The following KAZN variants were observed in gnomAD, a reference collection of about 807,000 sequenced individuals.
KAZN encodes the protein kazrin.
KAZN carries 40 observed loss-of-function variants against 87.4 expected under a neutral mutation model. That is an observed-to-expected ratio of 0.46 (90% CI 0.36 to 0.60). The LOEUF is 0.60. Ranked by LOEUF, KAZN falls within the 20% of genes least tolerant of loss-of-function variation. KAZN has a pLI of 0.00. For missense variants in KAZN, 898 were observed against 1,073.9 expected (o/e 0.84, Z 2.29); for synonymous variants, 466 against 458.3 (o/e 1.02, Z -0.22).
intron 2 of KAZN, among the ~76,000 whole-genome samples, chr1:14,277,311 A>G (rs1209045861): frequency 2.6e-5 from 4 of 152,338 alleles, no homozygotes; most frequent in Non-Finnish European, 4.4e-5. Flanking sequence ...GTCTCTTTTT[A>G]AAACACAGCC....
chr1:14,234,795 C>T (rs1246854254), intron 2 of KAZN, among the ~76,000 whole-genome samples: 2 of 152,190 alleles, frequency 1.3e-5, no homozygotes, highest in East Asian at 1.9e-4. Context: ...TGAAAAATTG[C>T]CTATGCAACC....
chr1:14,388,144 A>G lies in KAZN; in HGVS notation c.249+207552A>G, dbSNP rs547294075. On this transcript the variant is annotated intron_variant, in intron 2 of 16. Coordinates refer to the KAZN transcript ENST00000636203. Reference sequence around the variant, plus strand: ...ACTCCCTGATCCCTTGCGCTTCCCGAGTGAGGCAATGCCTCGCCCTGCTTC... The same window carrying G: ...ACTCCCTGATCCCTTGCGCTTCCCGGGTGAGGCAATGCCTCGCCCTGCTTC... Among the ~76,000 whole-genome samples, 418 of 152,250 alleles carry G rather than the reference A, an allele frequency of 2.7e-3. 1 individual carries two copies. The highest frequency in any genetic ancestry group is 9.1e-3 in the African/African-American group (377 of 41,502).
At chr1:15,027,541 G>A (rs1441507201) in intron 2 of KAZN, among the ~76,000 whole-genome samples, 12 of 152,146 alleles carry the variant, frequency 7.9e-5, no homozygotes, top group Admixed American at 7.9e-4. Flanking sequence ...CATTCTGATG[G>A]GTGTTTATTA....
At position 14,344,917 on chromosome 1, in the gene KAZN, C is replaced by CT. The variant is rs35120179; in HGVS notation, c.249+164340dup. 8.7e-3 allele frequency among the ~76,000 whole-genome samples: 1,239 copies of CT among 142,390 alleles called. 11 individuals carry two copies. The highest frequency in any genetic ancestry group is 0.023 in the African/African-American group (908 of 38,908). The allele number at this position is 142,390 out of a possible 152,430, so 93.4% of individuals were successfully genotyped here. On this transcript the variant is annotated intron_variant, in intron 2 of 16. Transcript: ENST00000636203. ...ACACACACCATTGCCATCCCCTCTT[C>CT]TTTTTTTTTTTTTTTCCTTGAGATG... is the stretch of plus-strand genomic sequence containing the variant.
chr1:14,334,743 A>G (rs1437840943), intron 2 of KAZN, among the ~76,000 whole-genome samples: 1 of 152,222 alleles, frequency 6.6e-6, no homozygotes, highest in African/African-American at 2.4e-5. Flanking sequence ...CAGAAGGTAG[A>G]GTTCCCTGTC....
chr1:14,528,901 C>T (rs556599043), intron 2 of KAZN, among the ~76,000 whole-genome samples: 6 of 152,240 alleles, frequency 3.9e-5, no homozygotes, highest in African/African-American at 1.2e-4. Context: ...CTCTCGCAGC[C>T]TCATTCCACG....
chr1:14,486,014 C>A (rs532656276), intron 2 of KAZN, among the ~76,000 whole-genome samples: 1 of 152,184 alleles, frequency 6.6e-6, no homozygotes, highest in South Asian at 2.1e-4. Context: ...CACCACCAGA[C>A]CTATAGCACT....
At chr1:14,428,585 A>C (rs1665872871) in intron 2 of KAZN, among the ~76,000 whole-genome samples, 1 of 152,170 alleles carries the variant, frequency 6.6e-6, no homozygotes, top group South Asian at 2.1e-4. Flanking sequence ...GAAATACCTA[A>C]GACTGAGTAA....
intron 2 of KAZN, among the ~76,000 whole-genome samples, chr1:14,968,012 T>G (rs1287257082): frequency 3.3e-5 from 5 of 152,208 alleles, no homozygotes; most frequent in Admixed American, 2.0e-4. Flanking sequence ...GGGATGGTTT[T>G]GGGATGATTC....
At chr1:15,026,944 G>A (rs1241311200) in intron 2 of KAZN, among the ~76,000 whole-genome samples, 1 of 151,976 alleles carries the variant, frequency 6.6e-6, no homozygotes, top group South Asian at 2.1e-4. Context: ...GGTGGATTTT[G>A]GTATTTGGGG....
At position 15,056,111 on chromosome 1, in the gene KAZN, G is replaced by C. The variant is rs79632856; in HGVS notation, c.747G>C (p.Thr249=). The C allele has an allele frequency of 3.7e-6, 6 of 1,612,550 alleles. No individual in the cohort carries two copies. The African/African-American group carries it at 8.0e-5, about 22-fold the overall frequency. ...TCCAGGCCAAACAGTCCTTAGCTAC[G>C]CTGACCAAGGACGTCCCCAAGCGGC... is the stretch of plus-strand genomic sequence containing the variant. ...ELAMAKQSLA[T]LTKDVPKRHS... Residue 249 remains threonine (T), a synonymous_variant, in exon 5 of 15, where the codon ACG becomes ACC. Transcript: ENST00000376030. The surrounding 1 kb of genome is among the most constrained non-coding windows in gnomAD (Gnocchi z 5.4).
chr1:14,993,593 C>G (rs1401122178), intron 2 of KAZN, among the ~76,000 whole-genome samples: 1 of 152,178 alleles, frequency 6.6e-6, no homozygotes, highest in Middle Eastern at 3.2e-3. Flanking sequence ...TCGGCCTGCA[C>G]TCTCCCCCAC....
At chr1:15,064,717 C>T (rs1361656483) in intron 7 of KAZN, among the ~76,000 whole-genome samples, 5 of 152,340 alleles carry the variant, frequency 3.3e-5, no homozygotes, top group Admixed American at 2.0e-4. Context: ...CTTCGGCTGA[C>T]GCAGGCTCCA....
rs1051708781 is a variant in KAZN at position 15,104,121 on chromosome 1, C to A, written c.1980C>A (p.Ile660=). ...AGGCCATGGCCACTGCCCTGGGCAT[C>A]CCCAGTGGGAAGCACATCCTCCGGA... ...NAEAMATALG[I]PSGKHILRRH... The change falls in exon 13 of 15, where the codon ATC becomes ATA. Residue 660 remains isoleucine (I), a synonymous_variant. Transcript: ENST00000376030. 2.5e-6 allele frequency: 4 copies of A among 1,610,298 alleles called. No individual in the cohort carries two copies. The African/African-American group carries it at 4.0e-5, about 16-fold the overall frequency.
chr1:14,266,159 A>G (rs1006978195), intron 2 of KAZN, among the ~76,000 whole-genome samples: 2 of 152,230 alleles, frequency 1.3e-5, no homozygotes, highest in Non-Finnish European at 2.9e-5. Context: ...ATAAATTGTT[A>G]TAACTCTATG....
intron 1 of KAZN, among the ~76,000 whole-genome samples, chr1:14,125,072 G>A (rs1269711439): frequency 6.6e-6 from 1 of 152,140 alleles, no homozygotes; most frequent in African/African-American, 2.4e-5. Context: ...CTCCCAGGAA[G>A]AGGGAACAGC....
chr1:15,029,756 C>T (rs905873621), intron 2 of KAZN, among the ~76,000 whole-genome samples: 8 of 152,182 alleles, frequency 5.3e-5, no homozygotes, highest in South Asian at 2.1e-4. Context: ...AGAGCCTAGG[C>T]GGGCAGGGGT....
intron 4 of KAZN, among the ~76,000 whole-genome samples, chr1:15,050,640 C>T (rs736904): frequency 0.11 from 17,003 of 152,164 alleles, 1,750 homozygotes; most frequent in East Asian, 0.61. Flanking sequence ...CACCTTCAGG[C>T]CCCTGGCCAC....
In KAZN at chr1:14,972,046, C is replaced by T. The variant is rs141631796; in HGVS notation, c.418+11171C>T. ...GCTGATCCTCAGCTTTTAATTAATC[C>T]ACCCCTCCCTGGCCCCTTCCCAGGA... is the stretch of plus-strand genomic sequence containing the variant. On this transcript the variant is annotated intron_variant, in intron 2 of 14. Transcript: ENST00000376030. Among the ~76,000 whole-genome samples the T allele has an allele frequency of 3.1e-3, 465 of 152,236 alleles. 3 individuals carry two copies. Among genetic ancestry groups the T allele is most frequent in the Middle Eastern group, 0.017 (5 of 294 alleles).
Sources: allele counts gnomAD v4.1 joint callset (sites outside exome capture counted in the v4.1 genomes callset), GRCh38; gene constraint gnomAD v4.1.1; non-coding constraint Gnocchi (gnomAD v3.1); transcripts MANE v1.5; gene names NCBI Gene and HGNC (gene_info 2026-07-23, HGNC 2026-07-21).